Variants in GFI1B observed in about 807,000 individuals in gnomAD.
GFI1B encodes the protein zinc finger protein Gfi-1b.
Under a neutral mutation model 35.3 loss-of-function variants are expected in GFI1B, and 20 were observed. That is an observed-to-expected ratio of 0.57 (90% CI 0.40 to 0.82). GFI1B has a LOEUF of 0.82. Ranked by LOEUF, GFI1B falls within the 40% of genes least tolerant of loss-of-function variation. The probability of loss-of-function intolerance (pLI) is 0.00; values close to 1 mark genes in which losing one functional copy is unlikely to be tolerated. For synonymous variants in GFI1B, 178 were observed against 177.6 expected (o/e 1.00, Z -0.02); for missense variants, 430 against 446.3 (o/e 0.96, Z 0.33).
At chr9:132,970,237 G>A (rs11243958) in intron 1 of GFI1B, among the ~76,000 whole-genome samples, 7,373 of 152,088 alleles carry the variant, frequency 0.048, 310 homozygotes, top group East Asian at 0.17. Context: ...CCAAGCCCTG[G>A]GTCCAAGCCT....
chr9:132,974,581 G>A (rs1588421607), upstream of GFI1B, among the ~76,000 whole-genome samples: 2 of 114,886 alleles, frequency 1.7e-5, no homozygotes. Context: ...CAGCCTAGGC[G>A]ACAGAGCCAG....
intron 1 of GFI1B, among the ~76,000 whole-genome samples, chr9:132,971,986 A>G (rs1411056310): frequency 6.7e-6 from 1 of 148,284 alleles, no homozygotes; most frequent in Non-Finnish European, 1.5e-5. Flanking sequence ...AAAAAAAAAA[A>G]AAATTGGGTT....
intron 1 of GFI1B, among the ~76,000 whole-genome samples, chr9:132,948,136 A>T (rs979553513): frequency 6.6e-6 from 1 of 152,152 alleles, no homozygotes; most frequent in Non-Finnish European, 1.5e-5. Context: ...GTTGGTCTAC[A>T]GTGGACCTGT....
chr9:132,990,787 A>C, intron 6 of GFI1B, 85 bp from the exon 7 acceptor site: 1 of 1,245,580 alleles, frequency 8.0e-7, no homozygotes, highest in Admixed American at 1.8e-5. Context: ...TTGGAAAATG[A>C]ACCCGGGGGC....
chr9:132,962,093 A>ACAC (rs1848374904), intron 1 of GFI1B, among the ~76,000 whole-genome samples: 1 of 105,394 alleles, frequency 9.5e-6, no homozygotes, highest in African/African-American at 4.0e-5. Context: ...CACACACACA[A>ACAC]CCCTACACTC....
chr9:132,982,331 A>C (rs1409380672), intron 1 of GFI1B, among the ~76,000 whole-genome samples: 1 of 152,200 alleles, frequency 6.6e-6, no homozygotes, highest in Non-Finnish European at 1.5e-5. Context: ...CAGGACCCCA[A>C]ATCAGACTCA....
At chr9:132,983,906 C>T (rs557692012) in intron 1 of GFI1B, among the ~76,000 whole-genome samples, 9 of 152,284 alleles carry the variant, frequency 5.9e-5, no homozygotes, top group African/African-American at 2.2e-4. Context: ...GCTCACTCTG[C>T]CCCAGGGTCC....
At chr9:132,954,853 G>C (rs1027899430) in intron 1 of GFI1B, among the ~76,000 whole-genome samples, 1 of 151,772 alleles carries the variant, frequency 6.6e-6, no homozygotes, top group African/African-American at 2.4e-5. Context: ...CGAGTAGCTG[G>C]GACTACAGGT....
intron 1 of GFI1B, among the ~76,000 whole-genome samples, chr9:132,946,315 T>C (rs1848097328): frequency 6.6e-6 from 1 of 152,110 alleles, no homozygotes; most frequent in African/African-American, 2.4e-5. Flanking sequence ...ACCTGCAACA[T>C]AGGGCTAATA....
intron 1 of GFI1B, among the ~76,000 whole-genome samples, chr9:132,957,906 A>G (rs539756115): frequency 1.3e-4 from 20 of 152,318 alleles, no homozygotes; most frequent in African/African-American, 4.8e-4. Context: ...ACAGTTTCCT[A>G]TGGTTTTGCG....
chr9:132,967,047 T>C (rs1456843402), intron 1 of GFI1B, among the ~76,000 whole-genome samples: 1 of 152,184 alleles, frequency 6.6e-6, no homozygotes, highest in Non-Finnish European at 1.5e-5. Flanking sequence ...TGACAGGTGA[T>C]TCGGTCATGC....
At chr9:132,947,860 A>G (rs1848145035) in intron 1 of GFI1B, among the ~76,000 whole-genome samples, 1 of 151,880 alleles carries the variant, frequency 6.6e-6, no homozygotes. Context: ...AGGAATCAGA[A>G]GTGAGGTACA....
At chr9:132,972,900 C>T (rs1328859658) in intron 2 of GFI1B, among the ~76,000 whole-genome samples, 1 of 152,182 alleles carries the variant, frequency 6.6e-6, no homozygotes, top group Non-Finnish European at 1.5e-5. Context: ...CTGCCTGCAG[C>T]CCCCGGTAAG....
At chr9:132,969,748 T>C (rs931466037) in intron 1 of GFI1B, among the ~76,000 whole-genome samples, 5 of 152,174 alleles carry the variant, frequency 3.3e-5, no homozygotes, top group Admixed American at 2.0e-4. Flanking sequence ...CTGCAAACCA[T>C]TCATCTTGCA....
chr9:132,952,302 A>G (rs534893428), intron 1 of GFI1B: 19 of 152,180 alleles, frequency 1.2e-4, no homozygotes, highest in African/African-American at 4.6e-4. Flanking sequence ...AAAATAAAAC[A>G]GTTTTATCTC....
intron 1 of GFI1B, among the ~76,000 whole-genome samples, chr9:132,964,000 G>A (rs955485042): frequency 2.6e-5 from 4 of 152,290 alleles, no homozygotes; most frequent in African/African-American, 9.6e-5. Context: ...CAGCACTTTG[G>A]GAGGCCAAGG....
chr9:132,982,528 A>G (rs775864388), intron 1 of GFI1B, among the ~76,000 whole-genome samples: 1 of 152,202 alleles, frequency 6.6e-6, no homozygotes, highest in Non-Finnish European at 1.5e-5. Flanking sequence ...GAGTGATAAC[A>G]GTGAGCCTCT....
At chr9:132,955,937 G>A (rs1431144900) in intron 1 of GFI1B, among the ~76,000 whole-genome samples, 1 of 152,076 alleles carries the variant, frequency 6.6e-6, no homozygotes, top group Non-Finnish European at 1.5e-5. Flanking sequence ...TGCAGTCCAA[G>A]TCCAAAGGCT....
At chr9:132,992,721 T>C (rs1415574322), downstream of GFI1B, among the ~76,000 whole-genome samples, 1 of 152,182 alleles carries the variant, frequency 6.6e-6, no homozygotes, top group African/African-American at 2.4e-5. Context: ...CAACTCAGTC[T>C]CTTTGCTTAC....
Sources: gnomAD v4.1 joint callset for allele counts (sites outside exome capture counted in the v4.1 genomes callset) on GRCh38, gnomAD v4.1.1 for gene constraint, MANE v1.5 for transcripts, NCBI Gene and HGNC (gene_info 2026-07-23, HGNC 2026-07-21) for gene names.